Variants in LHFPL6 observed in about 807,000 individuals in gnomAD.
LHFPL6 encodes LHFPL tetraspan subfamily member 6 protein.
In LHFPL6, 9 loss-of-function variants were observed where a neutral mutation model predicts 20.6. That is an observed-to-expected ratio of 0.44 (90% CI 0.26 to 0.76). LHFPL6 has a LOEUF of 0.76. Among genes scored for constraint, LHFPL6 ranks in the 30% least tolerant of loss-of-function variants. The pLI, the probability that LHFPL6 is intolerant of heterozygous loss-of-function variation, is 0.20. For synonymous variants in LHFPL6, 105 were observed against 98.7 expected, an observed-to-expected ratio of 1.06 and a Z score of -0.38; for missense variants, 218 against 253.5, an observed-to-expected ratio of 0.86 and a Z score of 0.95.
chr13:39,373,993 C>G (rs1446926935), intron 3 of LHFPL6, among the ~76,000 whole-genome samples: 1 of 152,108 alleles, frequency 6.6e-6, no homozygotes, highest in Non-Finnish European at 1.5e-5. Flanking sequence ...TAATAAAGAA[C>G]TACCATTCAA....
intron 3 of LHFPL6, among the ~76,000 whole-genome samples, chr13:39,348,903 A>C (rs567686924): frequency 2.8e-4 from 42 of 152,222 alleles, no homozygotes; most frequent in Admixed American, 7.2e-4. Context: ...TTTATGTCAT[A>C]AAACAGGTAG....
In LHFPL6 at chr13:39,601,409, A is replaced by C. The variant is rs1566152164; in HGVS notation, c.-174-19T>G. 5 of 497,518 alleles carry C rather than the reference A, an allele frequency of 1.0e-5. No individual in the cohort carries two copies. The highest frequency in any genetic ancestry group is 1.7e-5 in the Non-Finnish European group (5 of 287,370). 30.8% of individuals were successfully genotyped at this position (497,518 alleles called of 1,614,324 possible). On this transcript the variant is annotated intron_variant, in intron 1 of 3. Coordinates refer to ENST00000379589, the MANE Select transcript of LHFPL6 (RefSeq NM_005780.3). ...ATGGTCCCTGGTAAAACAACAGGAA[A>C]CATTAAAAATTAAAGGCATTAAAAG...
At chr13:39,589,119 T>C (rs1333917212) in intron 2 of LHFPL6, among the ~76,000 whole-genome samples, 1 of 152,142 alleles carries the variant, frequency 6.6e-6, no homozygotes, top group Non-Finnish European at 1.5e-5. Flanking sequence ...AGATAAATTT[T>C]TTTTTATTTT....
chr13:39,389,568 CTT>C (rs1329316955), intron 2 of LHFPL6, among the ~76,000 whole-genome samples: 4 of 152,114 alleles, frequency 2.6e-5, no homozygotes, highest in Non-Finnish European at 5.9e-5. Flanking sequence ...TGTTTTGAAA[CTT>C]AGCCTTTCTC....
At chr13:39,512,581 A>G (rs980151984) in intron 2 of LHFPL6, among the ~76,000 whole-genome samples, 13 of 143,630 alleles carry the variant, frequency 9.1e-5, no homozygotes, top group African/African-American at 1.3e-4. Flanking sequence ...CAGCCTGGGC[A>G]ACAGAGCGAG....
Position 39,602,962 on chromosome 13 carries a change from T to A in LHFPL6, c.-254A>T, listed in dbSNP as rs1348770320. ...TTGCTGTCTTTCTCGGGCGGGAACATCCACGGGAAACCGGACCGTCCTGCC... is the reference window on the plus strand; with the variant it reads ...TTGCTGTCTTTCTCGGGCGGGAACAACCACGGGAAACCGGACCGTCCTGCC... On this transcript the variant is annotated 5_prime_UTR_variant, in exon 1 of 4. The change abolishes an upstream ATG in the 5' untranslated region. Coordinates refer to ENST00000379589, the MANE Select transcript of LHFPL6 (RefSeq NM_005780.3). The A allele has an allele frequency of 3.9e-5, 6 of 152,178 alleles. No individual in the cohort carries two copies. The highest frequency in any genetic ancestry group is 8.8e-5 in the Non-Finnish European group (6 of 68,156). 9.4% of individuals were successfully genotyped at this position (152,178 alleles called of 1,614,324 possible). A position where few individuals can be genotyped will look rare whatever the true frequency, so the allele number is the denominator to read the frequency against.
At chr13:39,374,721 C>G (rs1870244444) in intron 3 of LHFPL6, among the ~76,000 whole-genome samples, 1 of 152,200 alleles carries the variant, frequency 6.6e-6, no homozygotes, top group Non-Finnish European at 1.5e-5. Flanking sequence ...AAGTCAACCA[C>G]AATTTCCATT....
chr13:39,528,542 T>A (rs528599892), intron 2 of LHFPL6, among the ~76,000 whole-genome samples: 1 of 152,304 alleles, frequency 6.6e-6, no homozygotes, highest in East Asian at 1.9e-4. Flanking sequence ...AATAGGCCAG[T>A]GTCCCTGTGA....
intron 2 of LHFPL6, among the ~76,000 whole-genome samples, chr13:39,411,637 T>G (rs1871242762): frequency 6.6e-6 from 1 of 152,238 alleles, no homozygotes; most frequent in South Asian, 2.1e-4. Context: ...GGGACTTTCA[T>G]GAGCTTCAGA....
intron 2 of LHFPL6, among the ~76,000 whole-genome samples, chr13:39,477,580 T>C (rs1873116243): frequency 6.6e-6 from 1 of 152,172 alleles, no homozygotes; most frequent in African/African-American, 2.4e-5. Flanking sequence ...TTCTATGTGT[T>C]AACCAAGGGG....
At chr13:39,407,074 T>G (rs913292829) in intron 2 of LHFPL6, among the ~76,000 whole-genome samples, 1 of 152,202 alleles carries the variant, frequency 6.6e-6, no homozygotes, top group African/African-American at 2.4e-5. Flanking sequence ...TTAATTTTCC[T>G]CTATTGGCAG....
chr13:39,473,288 C>T (rs1445233408), intron 2 of LHFPL6, among the ~76,000 whole-genome samples: 3 of 150,654 alleles, frequency 2.0e-5, no homozygotes, highest in African/African-American at 7.3e-5. Context: ...CAAAGTTCTC[C>T]AGAGAAATGC....
chr13:39,440,641 C>T (rs1872094709), intron 2 of LHFPL6, among the ~76,000 whole-genome samples: 1 of 152,088 alleles, frequency 6.6e-6, no homozygotes, highest in South Asian at 2.1e-4. Flanking sequence ...TGCTCTGTCA[C>T]TCAGGCTGAA....
At chr13:39,503,023 G>A (rs548628329) in intron 2 of LHFPL6, among the ~76,000 whole-genome samples, 2 of 152,238 alleles carry the variant, frequency 1.3e-5, no homozygotes, top group Non-Finnish European at 2.9e-5. Flanking sequence ...CTTCCAAAGT[G>A]CTGGGATTAC....
chr13:39,585,059 T>C (rs548339169), intron 2 of LHFPL6, among the ~76,000 whole-genome samples: 4 of 152,244 alleles, frequency 2.6e-5, no homozygotes, highest in African/African-American at 7.2e-5. Flanking sequence ...GTGTGCCCAA[T>C]TGCACCCCAC....
Position 39,378,429 on chromosome 13 carries a change from C to G in LHFPL6, c.483G>C (p.Leu161=). The change falls in exon 3 of 4, where the codon CTG becomes CTC. Residue 161 remains leucine (L), a splice_region_variant and synonymous_variant. Coordinates refer to ENST00000379589, the MANE Select transcript of LHFPL6 (RefSeq NM_005780.3). ...TCGYTSGQFD[L]GKCEIGWAYY... ...GTGCCATCCATGAAGAAAGCTTACC[C>G]AGGTCAAACTGGCCAGAAGTGTAGC... 1 of 1,613,338 alleles carries G rather than the reference C, an allele frequency of 6.2e-7. No homozygotes were observed. Among genetic ancestry groups the G allele is most frequent in the Non-Finnish European group, 8.5e-7 (1 of 1,179,460 alleles).
At chr13:39,563,914 C>T (rs1566142677) in intron 2 of LHFPL6, among the ~76,000 whole-genome samples, 1 of 152,166 alleles carries the variant, frequency 6.6e-6, no homozygotes, top group East Asian at 1.9e-4. Context: ...CTAATAGACA[C>T]TATCCCCTAG....
In LHFPL6 at chr13:39,373,037, G is replaced by T. The variant is rs372800281; in HGVS notation, c.484+5391C>A. Among the ~76,000 whole-genome samples, 12 of 152,262 alleles carry T rather than the reference G, an allele frequency of 7.9e-5. No individual in the cohort carries two copies. The East Asian group carries it at 1.5e-3, about 20-fold the overall frequency. Reference sequence around the variant, plus strand: ...CCCTTTACCTACCTAAAGCCTACAAGGGCTGAGAGCTCCGCCTGTATAATA... The same window carrying T: ...CCCTTTACCTACCTAAAGCCTACAATGGCTGAGAGCTCCGCCTGTATAATA... On this transcript the variant is annotated intron_variant, in intron 3 of 3. Coordinates refer to ENST00000379589, the MANE Select transcript of LHFPL6 (RefSeq NM_005780.3).
intron 2 of LHFPL6, among the ~76,000 whole-genome samples, chr13:39,599,147 C>A (rs73468864): frequency 0.056 from 8,448 of 152,156 alleles, 790 homozygotes; most frequent in African/African-American, 0.19. Flanking sequence ...AAACTGATTT[C>A]TCTTTGTAAG....
Sources: allele counts gnomAD v4.1 joint callset (sites outside exome capture counted in the v4.1 genomes callset), GRCh38; gene constraint gnomAD v4.1.1; transcripts MANE v1.5; gene names NCBI Gene and HGNC (gene_info 2026-07-23, HGNC 2026-07-21).